The following CKAP2L variants were observed in gnomAD, a reference collection of about 807,000 sequenced individuals.
CKAP2L encodes the protein cytoskeleton-associated protein 2-like.
CKAP2L carries 42 observed loss-of-function variants against 65.7 expected under a neutral mutation model. The observed-to-expected ratio is 0.64, with a 90% CI of 0.50 to 0.83. The LOEUF (loss-of-function observed/expected upper bound fraction) is 0.83. CKAP2L is among the 40% of genes least tolerant of loss of function. The pLI is 0.00. For missense variants in CKAP2L, 908 were observed against 871.0 expected, an observed-to-expected ratio of 1.04 and a Z score of -0.53; for synonymous variants, 325 against 313.5, an observed-to-expected ratio of 1.04 and a Z score of -0.39.
At chr2:112,743,654 T>C (rs537922828) in intron 6 of CKAP2L, among the ~76,000 whole-genome samples, 1 of 151,788 alleles carries the variant, frequency 6.6e-6, no homozygotes, top group African/African-American at 2.4e-5. Flanking sequence ...GCCAGGCTGG[T>C]CTCAAACTCC....
intron 1 of CKAP2L, among the ~76,000 whole-genome samples, chr2:112,762,785 C>CTTT (rs78440426): frequency 3.3e-3 from 465 of 142,320 alleles, no homozygotes; most frequent in African/African-American, 0.011. Flanking sequence ...AAACTTACTA[C>CTTT]TTTTTTTTTT....
In CKAP2L at chr2:112,753,622, G is replaced by A. The variant is rs151093119; in HGVS notation, c.1395-1148C>T. Among the ~76,000 whole-genome samples the A allele has an allele frequency of 2.8e-3, 418 of 148,572 alleles. 2 individuals carry two copies. Among genetic ancestry groups the A allele is most frequent in the Middle Eastern group, 0.019 (5 of 266 alleles). ...AGGTCACTGCAACCTCCGCCTCCTG[G>A]GTTCAAGTGATTCTTGTGCCTCAGC... On this transcript the variant is annotated intron_variant, in intron 4 of 8. Transcript: ENST00000302450.
intron 2 of CKAP2L, 139 bp from the exon 3 acceptor site, chr2:112,760,903 T>C (rs1225747249): frequency 3.3e-6 from 2 of 597,576 alleles, no homozygotes; most frequent in Non-Finnish European, 5.9e-6. Flanking sequence ...AAAATTATAT[T>C]TAATAAAGTC....
intron 5 of CKAP2L, among the ~76,000 whole-genome samples, chr2:112,748,235 T>A (rs1680261528): frequency 1.3e-5 from 2 of 151,838 alleles, no homozygotes; most frequent in African/African-American, 4.8e-5. Context: ...GAGAAAAAAA[T>A]ATAATAGAAA....
intron 7 of CKAP2L, chr2:112,742,324 T>TA (rs1680032470): frequency 2.8e-6 from 2 of 710,948 alleles, no homozygotes; most frequent in Non-Finnish European, 5.2e-6. Flanking sequence ...TAGCTATTTT[T>TA]AAAGCGTAAC....
chr2:112,746,520 T>C lies in CKAP2L; in HGVS notation c.1658A>G (p.Lys553Arg), dbSNP rs1680206363. 2 of 1,613,354 alleles carry C rather than the reference T, an allele frequency of 1.2e-6. No individual in the cohort carries two copies. Among genetic ancestry groups the C allele is most frequent in the Admixed American group, 1.7e-5 (1 of 59,998 alleles). The part of the protein sequence containing the change: ...NILSSIPEAE[K>R]FAKFWICKAK... ...TTTGCAGATCCAGAATTTAGCAAAT[T>C]TTTCAGCTTCAGGAATGCTGGACAA... The change falls in exon 6 of 9, where the codon AAA becomes AGA. Residue 553 changes from lysine to arginine, a missense_variant. Coordinates refer to ENST00000302450, the MANE Select transcript of CKAP2L (RefSeq NM_152515.5).
In CKAP2L at chr2:112,757,123, G is replaced by A. The variant is rs1375690095; in HGVS notation, c.248C>T (p.Pro83Leu). 39 of 1,614,026 alleles carry A rather than the reference G, an allele frequency of 2.4e-5. No homozygotes were observed. The highest frequency in any genetic ancestry group is 3.2e-5 in the Non-Finnish European group (38 of 1,180,020). ...CGGCTTCTGGGACCCTGCAGTATTAGGTGGTCTGGGCTGGAGTTTAATGCT... is the reference window on the plus strand; with the variant it reads ...CGGCTTCTGGGACCCTGCAGTATTAAGTGGTCTGGGCTGGAGTTTAATGCT... Reference protein sequence around the residue: ...SISIKLQPRPPNTAGSQKPKL... With the variant: ...SISIKLQPRPLNTAGSQKPKL... The change falls in exon 4 of 9, where the codon CCT becomes CTT. Residue 83 changes from proline (P) to leucine (L), a missense_variant. Physicochemically the swap from Pro to Leu is moderately conservative, Grantham distance 98. Transcript: ENST00000302450.
chr2:112,764,351 G>C lies in CKAP2L; in HGVS notation c.37+211C>G, dbSNP rs561866604. Among the ~76,000 whole-genome samples the C allele has an allele frequency of 2.0e-5, 3 of 152,352 alleles. No homozygotes were observed. The South Asian group carries it at 6.2e-4, about 32-fold the overall frequency. On this transcript the variant is annotated intron_variant, in intron 1 of 8. Transcript: ENST00000302450. ...GGGCTTTCTGGAAATACGCCCGTGA[G>C]GTATCTGGGCCTGCGCACAGCCTCC...
At chr2:112,744,562 T>A (rs990754453) in intron 6 of CKAP2L, among the ~76,000 whole-genome samples, 1 of 152,194 alleles carries the variant, frequency 6.6e-6, no homozygotes, top group Non-Finnish European at 1.5e-5. Flanking sequence ...CTGAGGGATA[T>A]CATGCAAGAT....
At chr2:112,755,133 T>G (rs1407975260) in intron 4 of CKAP2L, among the ~76,000 whole-genome samples, 1 of 152,106 alleles carries the variant, frequency 6.6e-6, no homozygotes, top group East Asian at 1.9e-4. Context: ...CGTCAGAAAT[T>G]TCCTTATTTT....
At chr2:112,753,329 T>C (rs1403888578) in intron 4 of CKAP2L, among the ~76,000 whole-genome samples, 1 of 152,180 alleles carries the variant, frequency 6.6e-6, no homozygotes. Flanking sequence ...CAAATTTTTC[T>C]TACTTTGGTA....
In CKAP2L at chr2:112,756,223, A is replaced by G; in HGVS notation, c.1148T>C (p.Val383Ala). 6.2e-7 allele frequency: 1 copy of G among 1,614,222 alleles called. No individual in the cohort carries two copies. The highest frequency in any genetic ancestry group is 8.5e-7 in the Non-Finnish European group (1 of 1,180,034). Reference protein sequence around the residue: ...KAISQRPNLTVGRFNSAIPST... With the variant: ...KAISQRPNLTAGRFNSAIPST... ...TGGAATGGCTGAATTAAATCTGCCA[A>G]CTGTCAAATTAGGCCTCTGGCTTAT... Residue 383 changes from valine to alanine, a missense_variant, in exon 4 of 9, where the codon GTT becomes GCT. Transcript: ENST00000302450.
intron 2 of CKAP2L, among the ~76,000 whole-genome samples, chr2:112,760,994 T>C (rs1409039465): frequency 6.6e-6 from 1 of 152,122 alleles, no homozygotes; most frequent in Non-Finnish European, 1.5e-5. Flanking sequence ...TTTTGCCTTG[T>C]GATCCTTACA....
At chr2:112,764,464 G>A (rs1394548370) in intron 1 of CKAP2L, 98 bp downstream of exon 1, 3 of 1,349,178 alleles carry the variant, frequency 2.2e-6, no homozygotes, top group Admixed American at 1.7e-5. Context: ...CAGGCGAGCG[G>A]ACGGGCACCT....
rs1234971518 is a variant in CKAP2L at position 112,756,789 on chromosome 2, T to C, written c.582A>G (p.Glu194=). Residue 194 remains glutamate, a synonymous_variant, in exon 4 of 9, where the codon GAA becomes GAG. Coordinates refer to ENST00000302450, the MANE Select transcript of CKAP2L (RefSeq NM_152515.5). ...ATTTAGGATCTGGCTTCCTCTCAGG[T>C]TCTGTTAAGATATCGAGCAAGTTCT... ...NKENLLDILT[E]PERKPDPKLY... is the part of the protein sequence containing the mutation. 2.5e-6 allele frequency: 4 copies of C among 1,603,950 alleles called. No homozygotes were observed. Among genetic ancestry groups the C allele is most frequent in the Non-Finnish European group, 3.4e-6 (4 of 1,177,210 alleles).
At chr2:112,746,328 T>C (rs1680198717) in intron 6 of CKAP2L, 92 bp downstream of exon 6, 2 of 1,080,492 alleles carry the variant, frequency 1.9e-6, no homozygotes, top group African/African-American at 3.1e-5. Context: ...ATATTGATGT[T>C]GCAAACTTCT....
chr2:112,756,866 T>C lies in CKAP2L; in HGVS notation c.505A>G (p.Ile169Val). Reference protein sequence around the residue: ...NGKCIDFMNNIHVENESLDNF... With the variant: ...NGKCIDFMNNVHVENESLDNF... ...TCCAAAGATTCGTTTTCAACATGGA[T>C]ATTATTCATAAAGTCTATACATTTA... Residue 169 changes from isoleucine (I) to valine (V), a missense_variant, in exon 4 of 9, where the codon ATC becomes GTC. Physicochemically the swap from Ile to Val is conservative, Grantham distance 29. Transcript: ENST00000302450. The C allele has an allele frequency of 6.2e-7, 1 of 1,607,638 alleles. No individual in the cohort carries two copies. The highest frequency in any genetic ancestry group is 1.7e-4 in the Middle Eastern group (1 of 6,030).
intron 1 of CKAP2L, among the ~76,000 whole-genome samples, chr2:112,764,289 C>G (rs1476669254): frequency 1.3e-5 from 2 of 152,218 alleles, no homozygotes; most frequent in African/African-American, 2.4e-5. Context: ...TTATCCGGAA[C>G]GTGGTGACAA....
rs189588016 is a variant in CKAP2L at position 112,756,406 on chromosome 2, G to A, written c.965C>T (p.Pro322Leu). The change falls in exon 4 of 9, where the codon CCT becomes CTT. Residue 322 changes from proline (P) to leucine (L), a missense_variant. Transcript: ENST00000302450. ...GTGCTTCACTCTCTGTTCAGTAACA[G>A]GGTATGACCGTATCTTAGTTTCATT... ...RPNETKIRSYPVTEQRVKHTK... is the reference protein window; with the variant it reads ...RPNETKIRSYLVTEQRVKHTK... The A allele has an allele frequency of 1.9e-6, 3 of 1,614,100 alleles. No homozygotes were observed. In the Admixed American group the frequency reaches 5.0e-5, roughly 27 times the overall value.
Sources: gnomAD v4.1 joint callset for allele counts (sites outside exome capture counted in the v4.1 genomes callset) on GRCh38, gnomAD v4.1.1 for gene constraint, MANE v1.5 for transcripts, NCBI Gene and HGNC (gene_info 2026-07-23, HGNC 2026-07-21) for gene names.